Variants in RANBP2 observed in about 807,000 individuals in gnomAD.
RANBP2 encodes the protein RAN binding protein 2.
Under a neutral mutation model 303.6 loss-of-function variants are expected in RANBP2, and 57 were observed. The ratio of observed to expected loss-of-function variants is 0.19; its 90% CI spans 0.15 to 0.23. The LOEUF is 0.23. RANBP2 is among the 10% of genes least tolerant of loss of function. The pLI is 1.00. For missense variants in RANBP2, 3,138 were observed against 3,780.8 expected, an observed-to-expected ratio of 0.83 and a Z score of 4.46; for synonymous variants, 1,167 against 1,301.5, an observed-to-expected ratio of 0.90 and a Z score of 2.23.
the RANBP2 span, among the ~76,000 whole-genome samples, chr2:108,955,392 A>G: frequency 6.6e-6 from 1 of 152,242 alleles, no homozygotes; most frequent in African/African-American, 2.4e-5. Flanking sequence ...ATCATAACCC[A>G]TTAATTTTGG....
At chr2:108,929,207 C>G in the RANBP2 span, 1 of 1,614,046 alleles carries the variant, frequency 6.2e-7, no homozygotes, top group Non-Finnish European at 8.5e-7. Flanking sequence ...CCCAGGGAGG[C>G]AAGGGCCACA....
At chr2:109,293,062 G>C in the RANBP2 span, among the ~76,000 whole-genome samples, 1 of 152,202 alleles carries the variant, frequency 6.6e-6, no homozygotes, top group African/African-American at 2.4e-5. Context: ...GTCAGCTGCA[G>C]TTCAGGGAGG....
rs192873917 is a variant in RANBP2, at chr2:108,738,132, G to C, written c.782+1883G>C. Among the ~76,000 whole-genome samples, 292 of 151,754 alleles carry C rather than the reference G, an allele frequency of 1.9e-3. 3 individuals carry two copies. The highest frequency in any genetic ancestry group is 6.8e-3 in the African/African-American group (283 of 41,382). ...GCTCTGTCGCCCAGGCTGGAGTGCG[G>C]TGGCGCCATCTCGGCTCACTGCAAG... On this transcript the variant is annotated intron_variant, in intron 6 of 28. Transcript: ENST00000283195.
the RANBP2 span, among the ~76,000 whole-genome samples, chr2:109,191,727 G>A: frequency 2.0e-5 from 3 of 152,154 alleles, no homozygotes; most frequent in Admixed American, 6.5e-5. Context: ...GTGCTGATGC[G>A]AGGGGAAGCC....
At chr2:109,444,354 C>T in the RANBP2 span, among the ~76,000 whole-genome samples, 3 of 152,162 alleles carry the variant, frequency 2.0e-5, no homozygotes, top group Non-Finnish European at 4.4e-5. Context: ...TAAAATGGAA[C>T]ACACAATAGC....
At chr2:109,425,245 G>T in the RANBP2 span, among the ~76,000 whole-genome samples, 1 of 152,216 alleles carries the variant, frequency 6.6e-6, no homozygotes, top group African/African-American at 2.4e-5. Context: ...GGTTCGTGAG[G>T]TTTAAAGAAA....
At chr2:109,304,881 G>A in the RANBP2 span, among the ~76,000 whole-genome samples, 6 of 152,140 alleles carry the variant, frequency 3.9e-5, no homozygotes, top group Non-Finnish European at 8.8e-5. Flanking sequence ...TAGAAGACAT[G>A]GGGTGACGCT....
At chr2:109,145,334 C>T in the RANBP2 span, among the ~76,000 whole-genome samples, 1 of 152,162 alleles carries the variant, frequency 6.6e-6, no homozygotes, top group Admixed American at 6.5e-5. Context: ...GACTTCATGC[C>T]AGGTTTGCAG....
the RANBP2 span, among the ~76,000 whole-genome samples, chr2:109,542,644 T>C: frequency 6.6e-6 from 1 of 152,214 alleles, no homozygotes; most frequent in East Asian, 1.9e-4. Flanking sequence ...CCTCCAGGAC[T>C]CCCTGCCTAC....
intron 19 of RANBP2, among the ~76,000 whole-genome samples, chr2:108,762,798 C>CATCAT (rs1676821332): frequency 3.3e-5 from 5 of 151,294 alleles, no homozygotes; most frequent in African/African-American, 9.7e-5. Flanking sequence ...ATAAATGTTA[C>CATCAT]CATCATCATC....
chr2:109,552,920 C>A, the RANBP2 span: 3 of 714,620 alleles, frequency 4.2e-6, no homozygotes, highest in Non-Finnish European at 6.5e-6. Context: ...CATTTAATTT[C>A]AGGCTATGAT....
chr2:109,271,626 G>A, the RANBP2 span, among the ~76,000 whole-genome samples: 15 of 152,340 alleles, frequency 9.8e-5, no homozygotes, highest in East Asian at 1.4e-3. Flanking sequence ...GTGAGGCCCC[G>A]TGTGGTTCCC....
the RANBP2 span, among the ~76,000 whole-genome samples, chr2:109,739,506 T>A: frequency 6.6e-6 from 1 of 152,324 alleles, no homozygotes; most frequent in South Asian, 2.1e-4. Flanking sequence ...ATTACTTTTT[T>A]AATTTCTTTT....
At chr2:109,058,801 C>A in the RANBP2 span, among the ~76,000 whole-genome samples, 1 of 152,058 alleles carries the variant, frequency 6.6e-6, no homozygotes, top group African/African-American at 2.4e-5. Flanking sequence ...CAAGGCAGGG[C>A]TCTGGGAGCT....
the RANBP2 span, among the ~76,000 whole-genome samples, chr2:109,022,314 G>A: frequency 6.6e-6 from 1 of 152,190 alleles, no homozygotes; most frequent in Non-Finnish European, 1.5e-5. Flanking sequence ...ATGTGCCGCT[G>A]CCACAGCACT....
the RANBP2 span, among the ~76,000 whole-genome samples, chr2:108,924,615 G>A: frequency 5.0e-3 from 756 of 152,284 alleles, 7 homozygotes; most frequent in South Asian, 0.022. Flanking sequence ...AGCCTGGCAC[G>A]GGGGTCTGTG....
At chr2:108,869,724 A>C in the RANBP2 span, among the ~76,000 whole-genome samples, 3 of 152,184 alleles carry the variant, frequency 2.0e-5, no homozygotes, top group African/African-American at 7.2e-5. Context: ...AGGCCCAGAC[A>C]GGATGCATGC....
At chr2:109,482,716 T>A in the RANBP2 span, among the ~76,000 whole-genome samples, 1 of 151,634 alleles carries the variant, frequency 6.6e-6, no homozygotes, top group East Asian at 1.9e-4. Context: ...TGTCCCTGCC[T>A]GCACCTCCGG....
chr2:108,954,779 G>A, the RANBP2 span, among the ~76,000 whole-genome samples: 216 of 151,996 alleles, frequency 1.4e-3, no homozygotes, highest in African/African-American at 4.9e-3. Context: ...AGGTTCAAGC[G>A]ATTCTCCTGT....
Sources: gnomAD v4.1 joint callset for allele counts (sites outside exome capture counted in the v4.1 genomes callset) on GRCh38, gnomAD v4.1.1 for gene constraint, MANE v1.5 for transcripts, NCBI Gene and HGNC (gene_info 2026-07-23, HGNC 2026-07-21) for gene names.